RRP12: variants seen among roughly 807,000 people sequenced by gnomAD.
The protein encoded by RRP12 is ribosomal RNA processing 12 homolog, also known as RRP12-like protein.
Under a neutral mutation model 157.3 loss-of-function variants are expected in RRP12, and 78 were observed. That is an observed-to-expected ratio of 0.50 (90% confidence interval 0.41 to 0.60). The LOEUF is 0.60. RRP12 is among the 20% of genes least tolerant of loss of function. The pLI is 0.00. For missense variants in RRP12, 1,521 were observed against 1,679.9 expected (o/e 0.91, Z 1.65); for synonymous variants, 726 against 670.9 (o/e 1.08, Z -1.27).
rs752557777 is a variant in RRP12 at position 97,371,014 on chromosome 10, C to A, written c.2411G>T (p.Gly804Val). 39 of 1,613,816 alleles carry A rather than the reference C, an allele frequency of 2.4e-5. No individual in the cohort carries two copies. The South Asian group carries it at 4.0e-4, about 16-fold the overall frequency. ...VLEEVCASPQGPGALFVQSHL... is the reference protein window; with the variant it reads ...VLEEVCASPQVPGALFVQSHL... ...GCTCTGCACGAAGAGGGCCCCGGGG[C>A]CCTGAGGACTGGCACACACCTCCTC... Residue 804 changes from glycine (G) to valine (V), a missense_variant, in exon 21 of 34, where the codon GGC (glycine) becomes GTC (valine). Coordinates refer to ENST00000370992, the MANE Select transcript of RRP12 (RefSeq NM_015179.4).
chr10:97,378,397 C>T (rs1844369483), intron 15 of RRP12, among the ~76,000 whole-genome samples: 1 of 152,138 alleles, frequency 6.6e-6, no homozygotes, highest in East Asian at 1.9e-4. Context: ...TGTTGCTGTA[C>T]TGAGTGCTGC....
intron 6 of RRP12, 98 bp downstream of exon 6, chr10:97,390,325 A>G: frequency 1.1e-6 from 1 of 895,484 alleles, no homozygotes; most frequent in Non-Finnish European, 1.9e-6. Flanking sequence ...TACTCAGGGC[A>G]AGCTCCCCAG....
In RRP12 at chr10:97,379,277, C is replaced by G; in HGVS notation, c.1798+16G>C. On this transcript the variant is annotated intron_variant, in intron 15 of 33. Transcript: ENST00000370992. ...TGGGGAGCCTCAGGTCACACACAGG[C>G]AAGGGTCTCTCCTACCTTTGCTCTT... The G allele has an allele frequency of 6.2e-7, 1 of 1,613,510 alleles. No individual in the cohort carries two copies. Among genetic ancestry groups the G allele is most frequent in the Non-Finnish European group, 8.5e-7 (1 of 1,179,654 alleles).
intron 7 of RRP12, 28 bp from the exon 8 acceptor site, chr10:97,388,407 C>A (rs1182331314): frequency 6.2e-7 from 1 of 1,613,046 alleles, no homozygotes; most frequent in Admixed American, 1.7e-5. Context: ...AATTGAGACA[C>A]CAGCCCCGCC....
intron 12 of RRP12, among the ~76,000 whole-genome samples, chr10:97,381,181 A>G (rs1260699990): frequency 1.3e-5 from 2 of 152,250 alleles, no homozygotes; most frequent in Non-Finnish European, 2.9e-5. Context: ...CTAGGAAACC[A>G]AGAGGTGAGG....
Position 97,379,328 on chromosome 10 carries a change from TAG to T in RRP12, c.1761_1762del (p.Tyr588LeufsTer6). ...CAGGGTGTTAGCCAGGGGCAAGAAG[TAG>T]GTGGTGAAAAAACCAAGTCGCGTTT... is the stretch of plus-strand genomic sequence containing the variant. On this transcript the variant is annotated frameshift_variant, in exon 15 of 34. Coordinates refer to ENST00000370992, the MANE Select transcript of RRP12 (RefSeq NM_015179.4). LOFTEE classifies it high-confidence loss of function. The T allele has an allele frequency of 6.2e-7, 1 of 1,613,958 alleles. No individual in the cohort carries two copies. The highest frequency in any genetic ancestry group is 8.5e-7 in the Non-Finnish European group (1 of 1,179,926).
chr10:97,375,195 GAA>G (rs1844272059), intron 15 of RRP12, among the ~76,000 whole-genome samples: 1 of 149,514 alleles, frequency 6.7e-6, no homozygotes, highest in Admixed American at 6.8e-5. Context: ...CTGGGCTCAA[GAA>G]ATCCTCTTTC....
At position 97,371,072 on chromosome 10, in the gene RRP12, G is replaced by T. The variant is rs770150167; in HGVS notation, c.2353C>A (p.His785Asn). The T allele has an allele frequency of 6.2e-7, 1 of 1,613,268 alleles. No individual in the cohort carries two copies. The highest frequency in any genetic ancestry group is 8.5e-7 in the Non-Finnish European group (1 of 1,179,858). Reference protein sequence around the residue: ...TIRPYLESKAHGVQKKAYRVL... With the variant: ...TIRPYLESKANGVQKKAYRVL... ...CGGTAGGCCTTCTTCTGCACCCCGT[G>T]GGCCTTGCTCTGGCAGACAGGAACC... Residue 785 changes from histidine to asparagine, a missense_variant, in exon 21 of 34, where the codon CAC becomes AAC. By Grantham distance (68) the His-to-Asn change is moderately conservative. Coordinates refer to ENST00000370992, the MANE Select transcript of RRP12 (RefSeq NM_015179.4).
At chr10:97,363,144 G>A (rs1388313752) in intron 30 of RRP12, among the ~76,000 whole-genome samples, 2 of 152,228 alleles carry the variant, frequency 1.3e-5, no homozygotes, top group East Asian at 3.8e-4. Flanking sequence ...GTGGTGCCCA[G>A]GAAGGCTGGA....
chr10:97,373,062 G>A lies in RRP12; in HGVS notation c.2165C>T (p.Thr722Ile). ...GTGGCTCACCTGAGTGTCAGTGATGGTGAGGTAAGTTCTGATGGTTTCCAG... is the reference window on the plus strand; with the variant it reads ...GTGGCTCACCTGAGTGTCAGTGATGATGAGGTAAGTTCTGATGGTTTCCAG... ...AVLETIRTYL[T>I]ITDTQLVNSL... Residue 722 changes from threonine (T) to isoleucine (I), a missense_variant, in exon 18 of 34, where the codon ACC (threonine) becomes ATC (isoleucine). By Grantham distance (89) the Thr-to-Ile change is moderately conservative (BLOSUM62 -1). Transcript: ENST00000370992. 1 of 1,612,914 alleles carries A rather than the reference G, an allele frequency of 6.2e-7. No homozygotes were observed. Among genetic ancestry groups the A allele is most frequent in the Non-Finnish European group, 8.5e-7 (1 of 1,179,226 alleles).
chr10:97,385,957 G>A lies in RRP12; in HGVS notation c.1054C>T (p.Leu352Phe). 1 of 1,604,488 alleles carries A rather than the reference G, an allele frequency of 6.2e-7. No homozygotes were observed. ...CTCAGGCCAGGCCTGGCGTGGAAGA[G>A]GCTGTGAAAGGCCTGCATGGCACAG... Reference protein sequence around the residue: ...TACAMQAFHSLFHARPGLSTL... With the variant: ...TACAMQAFHSFFHARPGLSTL... The change falls in exon 9 of 34, where the codon CTC becomes TTC. Residue 352 changes from leucine to phenylalanine, a missense_variant. By Grantham distance (22) the Leu-to-Phe change is conservative. Transcript: ENST00000370992.
At chr10:97,362,848 T>C (rs368903874) in intron 30 of RRP12, among the ~76,000 whole-genome samples, 1 of 152,200 alleles carries the variant, frequency 6.6e-6, no homozygotes, top group African/African-American at 2.4e-5. Context: ...ACTGGGCAGA[T>C]GGACACTTGG....
intron 13 of RRP12, 106 bp downstream of exon 13, chr10:97,380,693 G>T (rs947823693): frequency 3.9e-6 from 3 of 774,532 alleles, no homozygotes; most frequent in South Asian, 1.6e-5. Flanking sequence ...GTCAGGGTGG[G>T]GTGCGGAGCA....
intron 21 of RRP12, 49 bp downstream of exon 21, chr10:97,370,874 G>A (rs1461300068): frequency 1.2e-6 from 2 of 1,610,930 alleles, no homozygotes; most frequent in South Asian, 2.2e-5. Flanking sequence ...CTCCTTTCCT[G>A]GTGTTGCCCA....
At chr10:97,388,989 G>A (rs1844719859) in intron 6 of RRP12, among the ~76,000 whole-genome samples, 2 of 152,180 alleles carry the variant, frequency 1.3e-5, no homozygotes, top group African/African-American at 4.8e-5. Flanking sequence ...CTGGCAAACT[G>A]GCACTGAACA....
chr10:97,400,447 T>A lies in RRP12; in HGVS notation c.227A>T (p.Glu76Val), dbSNP rs749140676. The change falls in exon 2 of 34, where the codon GAG (glutamate) becomes GTG (valine). Residue 76 changes from glutamate (E) to valine (V), a missense_variant. Coordinates refer to ENST00000370992, the MANE Select transcript of RRP12 (RefSeq NM_015179.4). ...CTCCGCCTCTTCTTCCATGGGCGTC[T>A]CCGGGGCTTCGCTTTTGCCCAAGCG... ...SLRLGKSEAP[E>V]TPMEEEAELV... 2 of 1,614,104 alleles carry A rather than the reference T, an allele frequency of 1.2e-6. No homozygotes were observed. The highest frequency in any genetic ancestry group is 3.3e-5 in the Admixed American group (2 of 60,004).
At chr10:97,384,948 G>A (rs2133076578) in intron 10 of RRP12, among the ~76,000 whole-genome samples, 1 of 143,156 alleles carries the variant, frequency 7.0e-6, no homozygotes, top group Admixed American at 7.0e-5. Flanking sequence ...CAGCCAGGAT[G>A]AAGACCCTGA....
intron 25 of RRP12, among the ~76,000 whole-genome samples, chr10:97,367,846 C>T (rs1260621083): frequency 6.6e-6 from 1 of 152,128 alleles, no homozygotes; most frequent in African/African-American, 2.4e-5. Context: ...ATTCTCCTGC[C>T]TCAGCTTCCT....
intron 10 of RRP12, among the ~76,000 whole-genome samples, chr10:97,382,765 T>C (rs538816129): frequency 5.5e-5 from 3 of 54,182 alleles, no homozygotes; most frequent in African/African-American, 3.3e-4. Flanking sequence ...ACTGTTTCTA[T>C]TTTTTTTTTT....
Sources: allele counts gnomAD v4.1 joint callset (sites outside exome capture counted in the v4.1 genomes callset), GRCh38; gene constraint gnomAD v4.1.1; transcripts MANE v1.5; gene names NCBI Gene and HGNC (gene_info 2026-07-23, HGNC 2026-07-21).